WWOX: variants seen among roughly 807,000 people sequenced by gnomAD.
WWOX encodes the protein WW domain-containing oxidoreductase.
WWOX carries 69 observed loss-of-function variants against 46.2 expected under a neutral mutation model. The observed-to-expected ratio is 1.49, with a 90% confidence interval of 1.23 to 1.82. The LOEUF (loss-of-function observed/expected upper bound fraction) is 1.82, where lower values mean the gene tolerates loss of function less well. Among genes scored for constraint, WWOX ranks in the 40% most tolerant of loss-of-function variants. The pLI, the probability that WWOX is intolerant of heterozygous loss-of-function variation, is 0.00. For missense variants in WWOX, 919 were observed against 542.6 expected, an observed-to-expected ratio of 1.69 and a Z score of -6.89; for synonymous variants, 359 against 202.6, an observed-to-expected ratio of 1.77 and a Z score of -6.56.
At chr16:78,163,783 G>C (rs1233439948) in intron 4 of WWOX, among the ~76,000 whole-genome samples, 1 of 152,186 alleles carries the variant, frequency 6.6e-6, no homozygotes, top group Non-Finnish European at 1.5e-5. Flanking sequence ...CGTGGGCACA[G>C]GATCTGGTCA....
intron 8 of WWOX, among the ~76,000 whole-genome samples, chr16:79,183,203 A>G (rs542163972): frequency 2.0e-5 from 3 of 152,304 alleles, no homozygotes; most frequent in African/African-American, 7.2e-5. Context: ...AGCCTTGCCC[A>G]CTGTCTGTGG....
intron 8 of WWOX, among the ~76,000 whole-genome samples, chr16:78,856,567 C>T (rs1429129536): frequency 6.6e-6 from 1 of 152,090 alleles, no homozygotes; most frequent in Non-Finnish European, 1.5e-5. Flanking sequence ...CCCTTGAACC[C>T]AGGAGGCAGA....
chr16:78,176,943 A>C (rs1173958814), intron 5 of WWOX, among the ~76,000 whole-genome samples: 2 of 152,180 alleles, frequency 1.3e-5, no homozygotes, highest in East Asian at 3.9e-4. Context: ...ACATGGTGCT[A>C]CTCAAAGCAT....
intron 8 of WWOX, among the ~76,000 whole-genome samples, chr16:78,919,176 T>G (rs1178090174): frequency 1.3e-5 from 2 of 152,144 alleles, no homozygotes; most frequent in African/African-American, 4.8e-5. Flanking sequence ...AACTATTACA[T>G]GCATGGGCTC....
intron 8 of WWOX, among the ~76,000 whole-genome samples, chr16:79,128,227 A>C (rs1264016941): frequency 6.6e-6 from 1 of 152,188 alleles, no homozygotes; most frequent in Admixed American, 6.5e-5. Flanking sequence ...TGTTTGTGGC[A>C]ATGTCACTTA....
At chr16:78,523,604 T>G (rs2043395744) in intron 8 of WWOX, among the ~76,000 whole-genome samples, 1 of 152,240 alleles carries the variant, frequency 6.6e-6, no homozygotes, top group South Asian at 2.1e-4. Flanking sequence ...TATTCTTCCA[T>G]ATTTATTTTT....
chr16:78,435,265 T>C (rs2083308509), intron 8 of WWOX, among the ~76,000 whole-genome samples: 1 of 152,108 alleles, frequency 6.6e-6, no homozygotes, highest in Non-Finnish European at 1.5e-5. Flanking sequence ...GTAGTGTGTC[T>C]TAGTAATAGC....
chr16:78,416,483 T>TTAAC (rs2082800021), intron 6 of WWOX, among the ~76,000 whole-genome samples: 1 of 152,230 alleles, frequency 6.6e-6, no homozygotes, highest in African/African-American at 2.4e-5. Flanking sequence ...AGTTGTGCAA[T>TTAAC]TAACATTAAT....
intron 8 of WWOX, among the ~76,000 whole-genome samples, chr16:79,208,810 GTCAC>G (rs1365744693): frequency 6.6e-6 from 1 of 152,192 alleles, no homozygotes; most frequent in Non-Finnish European, 1.5e-5. Context: ...ATATTAAGAT[GTCAC>G]TCAGAGGTTG....
intron 8 of WWOX, among the ~76,000 whole-genome samples, chr16:78,971,969 G>T (rs2046479591): frequency 1.3e-5 from 2 of 152,182 alleles, no homozygotes; most frequent in Non-Finnish European, 2.9e-5. Context: ...GAGCATTGGA[G>T]CTCTTCCCAG....
At chr16:78,928,900 T>G (rs1410519448) in intron 8 of WWOX, among the ~76,000 whole-genome samples, 1 of 152,194 alleles carries the variant, frequency 6.6e-6, no homozygotes, top group Non-Finnish European at 1.5e-5. Flanking sequence ...ATTTACAGTA[T>G]TTTCCCCTAA....
chr16:79,171,269 G>C (rs1230780355), intron 8 of WWOX, among the ~76,000 whole-genome samples: 1 of 152,158 alleles, frequency 6.6e-6, no homozygotes, highest in Non-Finnish European at 1.5e-5. Flanking sequence ...CTATAAGGAA[G>C]TATTCTGATA....
chr16:78,607,255 ATATT>A (rs1349655901), intron 8 of WWOX, among the ~76,000 whole-genome samples: 2 of 152,198 alleles, frequency 1.3e-5, no homozygotes, highest in Admixed American at 1.3e-4. Context: ...TTCAAATACA[ATATT>A]TAATAAACTA....
At chr16:78,570,764 A>G (rs1014957464) in intron 8 of WWOX, among the ~76,000 whole-genome samples, 6 of 152,158 alleles carry the variant, frequency 3.9e-5, no homozygotes, top group Admixed American at 1.3e-4. Context: ...AAGATAAAAT[A>G]TATTCCAGTG....
At chr16:79,013,486 A>T (rs907820682) in intron 8 of WWOX, among the ~76,000 whole-genome samples, 1 of 152,050 alleles carries the variant, frequency 6.6e-6, no homozygotes, top group Non-Finnish European at 1.5e-5. Context: ...AGTAAAACGC[A>T]TGTCCCCCCA....
chr16:78,527,777 C>T (rs2043512578), intron 8 of WWOX, among the ~76,000 whole-genome samples: 1 of 150,696 alleles, frequency 6.6e-6, no homozygotes, highest in Non-Finnish European at 1.5e-5. Context: ...ATGTCAATAT[C>T]TGGAGACATC....
chr16:78,363,043 G>T (rs1277203257), intron 5 of WWOX, among the ~76,000 whole-genome samples: 3 of 152,038 alleles, frequency 2.0e-5, no homozygotes, highest in Non-Finnish European at 4.4e-5. Flanking sequence ...GCTCCCTAAT[G>T]ACAGTGGTAC....
chr16:78,906,153 C>T lies in WWOX; in HGVS notation c.1057-305455C>T, dbSNP rs548138311. Among the ~76,000 whole-genome samples the T allele has an allele frequency of 1.2e-4, 18 of 152,252 alleles. No individual in the cohort carries two copies. The South Asian group carries it at 2.3e-3, about 19-fold the overall frequency. ...AAGTCTGTAAACCCAAAATCCTCAG[C>T]GAAACCTCAGCCATCTAGGGACATC... is the stretch of plus-strand genomic sequence containing the variant. On this transcript the variant is annotated intron_variant, in intron 8 of 8. Coordinates refer to ENST00000566780, the MANE Select transcript of WWOX (RefSeq NM_016373.4).
intron 4 of WWOX, among the ~76,000 whole-genome samples, chr16:78,132,954 CT>C (rs978765428): frequency 7.6e-4 from 115 of 152,274 alleles, no homozygotes; most frequent in African/African-American, 2.7e-3. Context: ...GTCACTTCAG[CT>C]TATGATTTTA....
Sources: gnomAD v4.1 joint callset for allele counts (sites outside exome capture counted in the v4.1 genomes callset) on GRCh38, gnomAD v4.1.1 for gene constraint, MANE v1.5 for transcripts, NCBI Gene and HGNC (gene_info 2026-07-23, HGNC 2026-07-21) for gene names.